The following PMS1 variants were observed in gnomAD, a reference collection of about 807,000 sequenced individuals.
PMS1 encodes the protein PMS1 protein homolog 1.
Under a neutral mutation model 93.1 loss-of-function variants are expected in PMS1, and 79 were observed. The observed-to-expected ratio is 0.85, with a 90% CI of 0.71 to 1.02. The LOEUF (loss-of-function observed/expected upper bound fraction) is 1.02, where lower values mean the gene tolerates loss of function less well. Among genes scored for constraint, PMS1 ranks in the 50% least tolerant of loss-of-function variants. The pLI is 0.00. For synonymous variants in PMS1, 335 were observed against 363.4 expected, an observed-to-expected ratio of 0.92 and a Z score of 0.89; for missense variants, 1,064 against 1,085.3, an observed-to-expected ratio of 0.98 and a Z score of 0.28.
In PMS1 at chr2:189,855,935, A is replaced by G. The variant is rs1044957345; in HGVS notation, c.1856+807A>G. 1.9e-5 allele frequency: 14 copies of G among 728,268 alleles called. No homozygotes were observed. The Admixed American group carries it at 7.3e-4, about 38-fold the overall frequency. 45.1% of individuals were successfully genotyped at this position (728,268 alleles called of 1,614,324 possible). On this transcript the variant is annotated intron_variant, in intron 9 of 12. Coordinates refer to ENST00000441310, the MANE Select transcript of PMS1 (RefSeq NM_000534.5). Reference sequence around the variant, plus strand: ...TATACAGGTATCTGAGTATCTCAATATTATGTCAAATGTGTGGAAAAAATT... The same window carrying G: ...TATACAGGTATCTGAGTATCTCAATGTTATGTCAAATGTGTGGAAAAAATT...
intron 3 of PMS1, among the ~76,000 whole-genome samples, chr2:189,802,695 T>A (rs1358017934): frequency 6.6e-6 from 1 of 152,216 alleles, no homozygotes; most frequent in African/African-American, 2.4e-5. Context: ...ACTCACTTAT[T>A]TGTGGGCCCA....
In PMS1 at chr2:189,853,650, G is replaced by A. The variant is rs533050578; in HGVS notation, c.823-289G>A. Among the ~76,000 whole-genome samples, 148 of 151,560 alleles carry A rather than the reference G, an allele frequency of 9.8e-4. 1 individual carries two copies. Among genetic ancestry groups the A allele is most frequent in the Middle Eastern group, 3.4e-3 (1 of 294 alleles). ...CCTGCCTCATCCTCCCAAGTATCTGGGATTACATGTTCCTGCCACTATGCC... is the reference window on the plus strand; with the variant it reads ...CCTGCCTCATCCTCCCAAGTATCTGAGATTACATGTTCCTGCCACTATGCC... On this transcript the variant is annotated intron_variant, in intron 7 of 12. Transcript: ENST00000441310.
intron 1 of PMS1, among the ~76,000 whole-genome samples, chr2:189,785,935 G>A (rs1000377268): frequency 6.6e-6 from 1 of 152,118 alleles, no homozygotes; most frequent in Non-Finnish European, 1.5e-5. Context: ...GACCAGCCTG[G>A]CCAACATGGT....
intron 3 of PMS1, 24 bp from the exon 4 acceptor site, chr2:189,805,628 T>C (rs373917647): frequency 2.8e-5 from 43 of 1,549,356 alleles, no homozygotes; most frequent in Non-Finnish European, 3.7e-5. Context: ...AGTGTTAGTT[T>C]TATTAGATGT....
At chr2:189,810,291 A>G (rs1209741786) in intron 4 of PMS1, among the ~76,000 whole-genome samples, 2 of 152,206 alleles carry the variant, frequency 1.3e-5, no homozygotes, top group Non-Finnish European at 2.9e-5. Flanking sequence ...AGGGGAAAAA[A>G]CATAATTTTA....
chr2:189,854,956 G>C lies in PMS1; in HGVS notation c.1684G>C (p.Ala562Pro), dbSNP rs189785572. 2 of 1,612,298 alleles carry C rather than the reference G, an allele frequency of 1.2e-6. No individual in the cohort carries two copies. The highest frequency in any genetic ancestry group is 1.3e-5 in the African/African-American group (1 of 74,998). Residue 562 changes from alanine to proline, a missense_variant, in exon 9 of 13, where the codon GCT becomes CCT. Coordinates refer to ENST00000441310, the MANE Select transcript of PMS1 (RefSeq NM_000534.5). ...VIDNKSGKVTAYDLLSNRVIK... is the reference protein window; with the variant it reads ...VIDNKSGKVTPYDLLSNRVIK... ...AGATAATAAATCTGGAAAAGTTACA[G>C]CTTATGATTTACTTAGCAATCGAGT... is the stretch of plus-strand genomic sequence containing the variant.
chr2:189,873,687 A>T lies in PMS1; in HGVS notation c.2634+31A>T, dbSNP rs1198893229. On this transcript the variant is annotated intron_variant, in intron 12 of 12. Coordinates refer to ENST00000441310, the MANE Select transcript of PMS1 (RefSeq NM_000534.5). The stretch of plus-strand genomic sequence containing the variant: ...CATTATTTTATATATATGTTATTGT[A>T]TACAGGGGTCCCAACTCCCGGGCCA... The T allele has an allele frequency of 3.3e-6, 5 of 1,528,726 alleles. No homozygotes were observed. In the African/African-American group the frequency reaches 6.8e-5, roughly 21 times the overall value. The allele number at this position is 1,528,726 out of a possible 1,614,324, so 94.7% of individuals were successfully genotyped here. A position where few individuals can be genotyped will look rare whatever the true frequency, so the allele number is the denominator to read the frequency against.
intron 5 of PMS1, among the ~76,000 whole-genome samples, chr2:189,843,513 T>C (rs1341764240): frequency 6.6e-6 from 1 of 152,256 alleles, no homozygotes; most frequent in Non-Finnish European, 1.5e-5. Context: ...ATGTAAATCC[T>C]GTAACATAGC....
chr2:189,793,536 A>G (rs1249963305), intron 2 of PMS1, among the ~76,000 whole-genome samples: 1 of 152,234 alleles, frequency 6.6e-6, no homozygotes, highest in Admixed American at 6.5e-5. Flanking sequence ...CATTTCATAT[A>G]GTCAGTTCAG....
chr2:189,840,806 TTACTA>T (rs1481157248), intron 5 of PMS1, among the ~76,000 whole-genome samples: 1 of 152,198 alleles, frequency 6.6e-6, no homozygotes, highest in African/African-American at 2.4e-5. Flanking sequence ...TTTTTGGACT[TTACTA>T]TTCTAATGTG....
intron 6 of PMS1, among the ~76,000 whole-genome samples, chr2:189,845,247 A>G (rs965268922): frequency 1.3e-5 from 2 of 151,930 alleles, no homozygotes; most frequent in African/African-American, 4.8e-5. Flanking sequence ...GGACTATAAA[A>G]CAATCTTCGT....
chr2:189,797,343 C>T (rs1304596869), intron 3 of PMS1, among the ~76,000 whole-genome samples: 3 of 152,194 alleles, frequency 2.0e-5, no homozygotes, highest in Admixed American at 1.3e-4. Flanking sequence ...GGCACATTCA[C>T]TTGCATAGTA....
intron 2 of PMS1, among the ~76,000 whole-genome samples, chr2:189,793,241 C>T (rs2049050185): frequency 6.6e-6 from 1 of 152,164 alleles, no homozygotes; most frequent in Admixed American, 6.5e-5. Context: ...TCTCTCTGTG[C>T]CAGTGGTTCT....
intron 1 of PMS1, among the ~76,000 whole-genome samples, chr2:189,788,221 G>A (rs116781307): frequency 1.8e-3 from 267 of 152,294 alleles, no homozygotes; most frequent in African/African-American, 6.0e-3. Flanking sequence ...TTTCCTAGCT[G>A]AGGTGGAAGA....
At chr2:189,815,845 C>T (rs984038290) in intron 4 of PMS1, among the ~76,000 whole-genome samples, 2 of 152,196 alleles carry the variant, frequency 1.3e-5, no homozygotes, top group Non-Finnish European at 2.9e-5. Context: ...TGTTTACAGT[C>T]AAACTTTTAA....
chr2:189,848,024 A>G (rs1169264673), intron 6 of PMS1, among the ~76,000 whole-genome samples: 2 of 152,158 alleles, frequency 1.3e-5, no homozygotes, highest in South Asian at 2.1e-4. Context: ...ATGATGTGAC[A>G]TGGGTCCTAT....
At chr2:189,827,048 C>G (rs1208909966) in intron 5 of PMS1, among the ~76,000 whole-genome samples, 12 of 152,120 alleles carry the variant, frequency 7.9e-5, no homozygotes, top group Admixed American at 7.9e-4. Context: ...GAAGCTAAGT[C>G]ACTGATACAT....
At chr2:189,827,479 A>G (rs996765759) in intron 5 of PMS1, among the ~76,000 whole-genome samples, 3 of 152,228 alleles carry the variant, frequency 2.0e-5, no homozygotes, top group Non-Finnish European at 2.9e-5. Context: ...ATTTTTACTT[A>G]GAAGTTCTAC....
At chr2:189,835,392 A>T (rs2053294471) in intron 5 of PMS1, among the ~76,000 whole-genome samples, 1 of 152,202 alleles carries the variant, frequency 6.6e-6, no homozygotes, top group South Asian at 2.1e-4. Flanking sequence ...CTGTGATGGA[A>T]TAATCTATAA....
Sources: gnomAD v4.1 joint callset for allele counts (sites outside exome capture counted in the v4.1 genomes callset) on GRCh38, gnomAD v4.1.1 for gene constraint, MANE v1.5 for transcripts, NCBI Gene and HGNC (gene_info 2026-07-23, HGNC 2026-07-21) for gene names.